SPATC1: variants seen among roughly 807,000 people sequenced by gnomAD.
SPATC1 encodes the protein spermatogenesis and centriole associated 1.
In SPATC1, 35 loss-of-function variants were observed where a neutral mutation model predicts 36.5. The observed-to-expected ratio is 0.96, with a 90% confidence interval of 0.73 to 1.27. The LOEUF (loss-of-function observed/expected upper bound fraction) is 1.27, where lower values mean the gene tolerates loss of function less well. Ranked by LOEUF, SPATC1 falls within the 50% of genes most tolerant of loss-of-function variation. The pLI is 0.00. For missense variants in SPATC1, 779 were observed against 796.0 expected, an observed-to-expected ratio of 0.98 and a Z score of 0.26; for synonymous variants, 361 against 353.6, an observed-to-expected ratio of 1.02 and a Z score of -0.24.
chr8:144,030,769 C>CT (rs1218942914), intron 1 of SPATC1, among the ~76,000 whole-genome samples: 3 of 151,502 alleles, frequency 2.0e-5, no homozygotes, highest in East Asian at 1.9e-4. Flanking sequence ...CCTTCTCCTA[C>CT]TTTTTTTTTC....
chr8:144,035,972 T>C (rs1223910871), intron 1 of SPATC1, among the ~76,000 whole-genome samples: 1 of 152,138 alleles, frequency 6.6e-6, no homozygotes, highest in Non-Finnish European at 1.5e-5. Context: ...CCTCAGCACA[T>C]GCAGCCCATC....
At chr8:144,019,755 A>C (rs1189333973) in intron 1 of SPATC1, among the ~76,000 whole-genome samples, 1 of 152,074 alleles carries the variant, frequency 6.6e-6, no homozygotes, top group Non-Finnish European at 1.5e-5. Context: ...GACAGCCGTC[A>C]GCACGGAACA....
chr8:144,046,884 C>T lies in SPATC1; in HGVS notation c.1704C>T (p.Ala568=), dbSNP rs374124076. Residue 568 remains alanine, a synonymous_variant, in exon 5 of 5, where the codon GCC becomes GCT. Transcript: ENST00000377470. The surrounding 1 kb of genome is among the most constrained non-coding windows in gnomAD (Gnocchi z 6.6). ...VVETVHPGML[A]DALLLLSCLS... ...AGACCGTGCACCCCGGCATGCTCGCCGACGCGCTGCTGCTGCTCTCCTGCC... is the reference window on the plus strand; with the variant it reads ...AGACCGTGCACCCCGGCATGCTCGCTGACGCGCTGCTGCTGCTCTCCTGCC... 1.2e-5 allele frequency: 19 copies of T among 1,599,682 alleles called. No homozygotes were observed. The highest frequency in any genetic ancestry group is 1.1e-4 in the African/African-American group (8 of 74,920).
Position 144,040,883 on chromosome 8 carries a change from C to T in SPATC1, c.1082C>T (p.Ala361Val). The T allele has an allele frequency of 1.3e-6, 2 of 1,579,260 alleles. No individual in the cohort carries two copies. The highest frequency in any genetic ancestry group is 1.2e-5 in the South Asian group (1 of 86,354). ...PSSTTHIAQG[A>V]PHPPSRMHNS... ...AGCACCACCCACATCGCCCAGGGTG[C>T]CCCCCATCCCCCTTCCCGAATGCAT... Residue 361 changes from alanine (A) to valine (V), a missense_variant, in exon 3 of 5, where the codon GCC (alanine) becomes GTC (valine). By Grantham distance (64) the Ala-to-Val change is moderately conservative. Coordinates refer to ENST00000377470, the MANE Select transcript of SPATC1 (RefSeq NM_198572.3).
rs958426984 is a variant in SPATC1, at chr8:144,045,439, G to T, written c.1447-1188G>T. Among the ~76,000 whole-genome samples the T allele has an allele frequency of 2.0e-5, 3 of 152,238 alleles. No homozygotes were observed. Among genetic ancestry groups the T allele is most frequent in the Non-Finnish European group, 4.4e-5 (3 of 68,048 alleles). ...CTGCGCCTGGAGCCTTCCCCGAGGG[G>T]TGGTGCCTGAACAGCTTGTGTGGGC... On this transcript the variant is annotated intron_variant, in intron 4 of 4. Coordinates refer to ENST00000377470, the MANE Select transcript of SPATC1 (RefSeq NM_198572.3). This position sits in a 1 kb window ranked among gnomAD's most constrained non-coding sequence, Gnocchi z 5.2.
chr8:144,041,778 C>T (rs1248367739), intron 4 of SPATC1, among the ~76,000 whole-genome samples: 1 of 152,174 alleles, frequency 6.6e-6, no homozygotes, highest in African/African-American at 2.4e-5. Context: ...CCCTACTTAC[C>T]ACTTGGGCTT....
At chr8:144,020,738 T>TCAGG in intron 1 of SPATC1, among the ~76,000 whole-genome samples, 1 of 45,716 alleles carries the variant, frequency 2.2e-5, no homozygotes, top group Non-Finnish European at 4.4e-5. Context: ...CTCAGGAGCC[T>TCAGG]CTTCCCTCAG....
Position 144,046,838 on chromosome 8 carries a change from T to C in SPATC1, c.1658T>C (p.Phe553Ser). The C allele has an allele frequency of 6.2e-7, 1 of 1,602,950 alleles. No individual in the cohort carries two copies. The highest frequency in any genetic ancestry group is 1.1e-5 in the South Asian group (1 of 91,082). Residue 553 changes from phenylalanine to serine, a missense_variant, in exon 5 of 5, where the codon TTC (phenylalanine) becomes TCC (serine). By Grantham distance (155) the Phe-to-Ser change is radical (BLOSUM62 -2). Coordinates refer to ENST00000377470, the MANE Select transcript of SPATC1 (RefSeq NM_198572.3). This position sits in a 1 kb window ranked among gnomAD's most constrained non-coding sequence, Gnocchi z 6.6. ...GAGGGCGGCCCCTACACCGTGGACT[T>C]CCTGCAGCGTGTGGTGGTGGAGACC... ...ASEGGPYTVD[F>S]LQRVVVETVH...
intron 1 of SPATC1, among the ~76,000 whole-genome samples, chr8:144,037,100 G>A (rs1365568105): frequency 7.4e-6 from 1 of 135,058 alleles, no homozygotes; most frequent in African/African-American, 2.7e-5. Context: ...GGCTGGGCGG[G>A]GGGCTGACCC....
rs2133089524 is a variant in SPATC1 at position 144,012,417 on chromosome 8, C to T, written c.-99C>T. The T allele has an allele frequency of 1.9e-6, 2 of 1,071,646 alleles. No homozygotes were observed. Among genetic ancestry groups the T allele is most frequent in the South Asian group, 2.9e-5 (2 of 69,824 alleles). 66.4% of individuals were successfully genotyped at this position (1,071,646 alleles called of 1,614,324 possible). A position where few individuals can be genotyped will look rare whatever the true frequency, so the allele number is the denominator to read the frequency against. Reference sequence around the variant, plus strand: ...GGGCCCACTGGGCCAGCCTTGCAGACTCTGCACCCTCCTTCAGCCCAGGCA... The same window carrying T: ...GGGCCCACTGGGCCAGCCTTGCAGATTCTGCACCCTCCTTCAGCCCAGGCA... On this transcript the variant is annotated 5_prime_UTR_variant, in exon 1 of 5. Coordinates refer to ENST00000377470, the MANE Select transcript of SPATC1 (RefSeq NM_198572.3).
chr8:144,042,119 C>A, intron 4 of SPATC1: 1 of 572,452 alleles, frequency 1.7e-6, no homozygotes, highest in Admixed American at 6.4e-5. Flanking sequence ...TCACTGCAAC[C>A]TCTGCCTCTC....
In SPATC1 at chr8:144,045,442, G is replaced by A. The variant is rs1314878729; in HGVS notation, c.1447-1185G>A. Reference sequence around the variant, plus strand: ...CGCCTGGAGCCTTCCCCGAGGGGTGGTGCCTGAACAGCTTGTGTGGGCAAG... The same window carrying A: ...CGCCTGGAGCCTTCCCCGAGGGGTGATGCCTGAACAGCTTGTGTGGGCAAG... On this transcript the variant is annotated intron_variant, in intron 4 of 4. Transcript: ENST00000377470. The surrounding 1 kb of genome is among the most constrained non-coding windows in gnomAD (Gnocchi z 5.2). Among the ~76,000 whole-genome samples, 1 of 152,232 alleles carries A rather than the reference G, an allele frequency of 6.6e-6. No individual in the cohort carries two copies. Among genetic ancestry groups the A allele is most frequent in the African/African-American group, 2.4e-5 (1 of 41,450 alleles).
intron 1 of SPATC1, among the ~76,000 whole-genome samples, chr8:144,015,075 T>C (rs1340684352): frequency 3.3e-5 from 5 of 152,066 alleles, no homozygotes; most frequent in Non-Finnish European, 7.4e-5. Context: ...AGTCTTGCTC[T>C]GTCACCCAGG....
Position 144,047,044 on chromosome 8 carries a change from T to C in SPATC1, c.*88T>C. The stretch of plus-strand genomic sequence containing the variant: ...TCCCACAGACACTGGTCGCTGGGCC[T>C]GTGCCAGCGCTCCTGGGTGGTGCTG... On this transcript the variant is annotated 3_prime_UTR_variant, in exon 5 of 5. Coordinates refer to ENST00000377470, the MANE Select transcript of SPATC1 (RefSeq NM_198572.3). This position sits in a 1 kb window ranked among gnomAD's most constrained non-coding sequence, Gnocchi z 4.1. 10 of 1,455,294 alleles carry C rather than the reference T, an allele frequency of 6.9e-6. No individual in the cohort carries two copies. Among genetic ancestry groups the C allele is most frequent in the Non-Finnish European group, 8.3e-6 (9 of 1,086,064 alleles). The allele number at this position is 1,455,294 out of a possible 1,614,324, so 90.1% of individuals were successfully genotyped here.
At chr8:144,024,039 C>G (rs1834617026) in intron 1 of SPATC1, among the ~76,000 whole-genome samples, 1 of 150,808 alleles carries the variant, frequency 6.6e-6, no homozygotes, top group Non-Finnish European at 1.5e-5. Flanking sequence ...ACCCTCTCCT[C>G]TCCCCTCGGG....
At chr8:144,020,283 T>C (rs1225842501) in intron 1 of SPATC1, among the ~76,000 whole-genome samples, 1 of 149,740 alleles carries the variant, frequency 6.7e-6, no homozygotes, top group East Asian at 2.0e-4. Context: ...ACCTCTCGCC[T>C]CAGGACCCTC....
At chr8:144,028,517 C>A (rs916325784) in intron 1 of SPATC1, among the ~76,000 whole-genome samples, 43 of 152,184 alleles carry the variant, frequency 2.8e-4, no homozygotes, top group Non-Finnish European at 4.7e-4. Flanking sequence ...CATCTCACAC[C>A]AGTCACAATG....
chr8:144,022,901 T>C (rs1384819373), intron 1 of SPATC1, among the ~76,000 whole-genome samples: 1 of 141,964 alleles, frequency 7.0e-6, no homozygotes, highest in African/African-American at 2.7e-5. Context: ...CTTGTGACCA[T>C]CCCCCGCCAT....
At chr8:144,020,450 A>G (rs1277281864) in intron 1 of SPATC1, among the ~76,000 whole-genome samples, 3 of 73,426 alleles carry the variant, frequency 4.1e-5, no homozygotes, top group South Asian at 4.5e-4. Context: ...TCTCAGGACC[A>G]CCTTCCCGCA....
Sources: allele counts gnomAD v4.1 joint callset (sites outside exome capture counted in the v4.1 genomes callset), GRCh38; gene constraint gnomAD v4.1.1; non-coding constraint Gnocchi (gnomAD v3.1); transcripts MANE v1.5; gene names NCBI Gene and HGNC (gene_info 2026-07-23, HGNC 2026-07-21).